The following TYW2 variants were observed in gnomAD, a reference collection of about 807,000 sequenced individuals.
The protein encoded by TYW2 is tRNA wybutosine-synthesizing protein 2 homolog.
the TYW2 span, chr8:124,451,436 T>A: frequency 6.2e-7 from 1 of 1,614,018 alleles, no homozygotes; most frequent in Non-Finnish European, 8.5e-7. Context: ...GCACTTGGCG[T>A]CCAGCGTTTG....
the TYW2 span, chr8:124,451,852 G>A: frequency 6.2e-7 from 1 of 1,614,132 alleles, no homozygotes; most frequent in Admixed American, 1.7e-5. Flanking sequence ...GGTGATCCTG[G>A]GGCTGATTCC....
the TYW2 span, chr8:124,452,097 A>G: frequency 6.2e-7 from 1 of 1,614,240 alleles, no homozygotes; most frequent in Non-Finnish European, 8.5e-7. Flanking sequence ...CCACCAAGCC[A>G]GAGTGGCAAA....
At chr8:124,452,022 A>G in the TYW2 span, 1 of 1,614,236 alleles carries the variant, frequency 6.2e-7, no homozygotes, top group Non-Finnish European at 8.5e-7. Flanking sequence ...ATCCTCAGCA[A>G]ATTACCACCA....
the TYW2 span, chr8:124,451,070 GTGTGGAAAAGA>G: frequency 6.2e-7 from 1 of 1,614,110 alleles, no homozygotes. Context: ...ACACAGCACC[GTGTGGAAAAGA>G]TGCCGGATGG....
the TYW2 span, chr8:124,451,928 A>G: frequency 1.9e-6 from 3 of 1,614,098 alleles, no homozygotes; most frequent in African/African-American, 2.7e-5. Flanking sequence ...GGCATTTTGC[A>G]TATCCACCAA....
the TYW2 span, chr8:124,451,856 T>C: frequency 6.2e-7 from 1 of 1,614,176 alleles, no homozygotes; most frequent in South Asian, 1.1e-5. Context: ...ATCCTGGGGC[T>C]GATTCCCAGC....
chr8:124,451,734 T>G, the TYW2 span: 1 of 1,614,168 alleles, frequency 6.2e-7, no homozygotes, highest in Non-Finnish European at 8.5e-7. Flanking sequence ...GGAATCCCCA[T>G]GCTGTAGTTG....
the TYW2 span, chr8:124,452,469 T>C: frequency 1.7e-6 from 1 of 590,308 alleles, no homozygotes; most frequent in Non-Finnish European, 3.0e-6. Context: ...AATACCTGTT[T>C]GGGAGAAGCA....
At chr8:124,452,826 T>G in the TYW2 span, 1 of 167,344 alleles carries the variant, frequency 6.0e-6, no homozygotes, top group African/African-American at 2.4e-5. Flanking sequence ...GGAGGTAGAT[T>G]GATATGATAA....
chr8:124,451,031 A>T, the TYW2 span: 2 of 1,614,046 alleles, frequency 1.2e-6, no homozygotes, highest in Non-Finnish European at 1.7e-6. Flanking sequence ...CGATACAGAG[A>T]ATATCTCCAG....
the TYW2 span, chr8:124,451,156 C>T: frequency 1.2e-6 from 2 of 1,614,168 alleles, no homozygotes; most frequent in Non-Finnish European, 1.7e-6. Flanking sequence ...GCTGAGGAAT[C>T]GTGTTGCCCC....
chr8:124,451,984 A>G, the TYW2 span: 1 of 1,614,268 alleles, frequency 6.2e-7, no homozygotes. Flanking sequence ...TCTTGGAGTC[A>G]GCAAAGTAGA....
At chr8:124,451,011 G>GTT in the TYW2 span, 1 of 1,614,152 alleles carries the variant, frequency 6.2e-7, no homozygotes, top group Non-Finnish European at 8.5e-7. Flanking sequence ...CTGAGCCTTG[G>GTT]TTTACCCAGC....
chr8:124,452,444 G>A, the TYW2 span: 1 of 651,208 alleles, frequency 1.5e-6, no homozygotes, highest in Non-Finnish European at 2.5e-6. Flanking sequence ...GTCTTTCATT[G>A]ATAACAGAAA....
the TYW2 span, chr8:124,451,673 C>T: frequency 1.2e-6 from 2 of 1,614,214 alleles, no homozygotes; most frequent in Non-Finnish European, 1.7e-6. Context: ...GGTTATTTTA[C>T]ATTGCCTTTC....
At chr8:124,450,854 G>A in the TYW2 span, 9 of 1,524,028 alleles carry the variant, frequency 5.9e-6, no homozygotes, top group Non-Finnish European at 7.1e-6. Context: ...TGAGCTGCAG[G>A]CTACCTTATT....
the TYW2 span, chr8:124,451,061 C>G: frequency 6.2e-7 from 1 of 1,614,174 alleles, no homozygotes; most frequent in Non-Finnish European, 8.5e-7. Flanking sequence ...CTCTTTGATA[C>G]ACAGCACCGT....
the TYW2 span, chr8:124,451,076 A>T: frequency 6.2e-7 from 1 of 1,614,244 alleles, no homozygotes; most frequent in Non-Finnish European, 8.5e-7. Flanking sequence ...CACCGTGTGG[A>T]AAAGATGCCG....
chr8:124,451,154 A>G, the TYW2 span: 2 of 1,614,146 alleles, frequency 1.2e-6, no homozygotes, highest in African/African-American at 1.3e-5. Context: ...GAGCTGAGGA[A>G]TCGTGTTGCC....
Sources: gnomAD v4.1 joint callset for allele counts on GRCh38, gnomAD v4.1.1 for gene constraint, MANE v1.5 for transcripts, NCBI Gene and HGNC (gene_info 2026-07-23, HGNC 2026-07-21) for gene names.